FRMD4A: variants seen among roughly 807,000 people sequenced by gnomAD.
FRMD4A encodes FERM domain containing 4A.
Under a neutral mutation model 129.1 loss-of-function variants are expected in FRMD4A, and 29 were observed. The observed-to-expected ratio is 0.22, with a 90% CI of 0.17 to 0.31. The LOEUF is 0.31. FRMD4A is among the 10% of genes least tolerant of loss of function. The pLI is 1.00. For synonymous variants in FRMD4A, 634 were observed against 571.6 expected, an observed-to-expected ratio of 1.11 and a Z score of -1.56; for missense variants, 1,272 against 1,375.8, an observed-to-expected ratio of 0.92 and a Z score of 1.19.
chr10:13,657,599 C>T (rs2082278859), intron 21 of FRMD4A, 77 bp from the exon 22 acceptor site: 2 of 1,449,546 alleles, frequency 1.4e-6, no homozygotes, highest in Non-Finnish European at 1.8e-6. Flanking sequence ...GGAGGGGGTC[C>T]TGAGGAGGGC....
At chr10:14,144,939 G>T (rs1840004518) in intron 2 of FRMD4A, among the ~76,000 whole-genome samples, 2 of 152,140 alleles carry the variant, frequency 1.3e-5, no homozygotes, top group Admixed American at 6.5e-5. Context: ...TCAGCTGAGA[G>T]GTCCTTAGAA....
chr10:14,273,497 G>A (rs1845234933), intron 2 of FRMD4A, among the ~76,000 whole-genome samples: 1 of 152,082 alleles, frequency 6.6e-6, no homozygotes, highest in South Asian at 2.1e-4. Flanking sequence ...TAATGGGTCA[G>A]CTCATGTAAG....
Position 13,700,442 on chromosome 10 carries a change from G to A in FRMD4A, c.975+898C>T, listed in dbSNP as rs903038992. On this transcript the variant is annotated intron_variant, in intron 14 of 24. Coordinates refer to ENST00000357447, the MANE Select transcript of FRMD4A (RefSeq NM_018027.5). The stretch of plus-strand genomic sequence containing the variant: ...GCCACCTTCTCCCAAGAACTCACGC[G>A]ATGGAGGGAAATCCTCCGTAAGTGC... Among the ~76,000 whole-genome samples, 10 of 152,188 alleles carry A rather than the reference G, an allele frequency of 6.6e-5. No homozygotes were observed. In the South Asian group the frequency reaches 1.9e-3, roughly 28 times the overall value.
chr10:14,143,769 C>T (rs905874335), intron 2 of FRMD4A, among the ~76,000 whole-genome samples: 5 of 152,090 alleles, frequency 3.3e-5, no homozygotes, highest in African/African-American at 1.2e-4. Flanking sequence ...TACCCACCAT[C>T]ATGCCTGGCT....
rs141301905 is a variant in FRMD4A at position 13,729,018 on chromosome 10, C to T, written c.759+8826G>A. On this transcript the variant is annotated intron_variant, in intron 12 of 24. Transcript: ENST00000357447. ...TTTCTTAGAATATGATTCCTTTTGT[C>T]CTTGGAGAGTTATTTTTAAGTAGCA... Among the ~76,000 whole-genome samples the T allele has an allele frequency of 2.0e-4, 30 of 150,500 alleles. No individual in the cohort carries two copies. In the East Asian group the frequency reaches 5.3e-3, roughly 27 times the overall value.
intron 3 of FRMD4A, among the ~76,000 whole-genome samples, chr10:13,858,454 AAAAC>A (rs1483753739): frequency 6.6e-6 from 1 of 152,200 alleles, no homozygotes; most frequent in Non-Finnish European, 1.5e-5. Flanking sequence ...ACAAAACAAA[AAAAC>A]AAACAAAAAG....
At chr10:13,732,627 G>C (rs985717648) in intron 12 of FRMD4A, among the ~76,000 whole-genome samples, 2 of 152,252 alleles carry the variant, frequency 1.3e-5, no homozygotes, top group Non-Finnish European at 2.9e-5. Context: ...AGATGCAGCT[G>C]TTACTGCAGA....
At chr10:14,183,937 G>A (rs1841990244) in intron 2 of FRMD4A, among the ~76,000 whole-genome samples, 1 of 151,988 alleles carries the variant, frequency 6.6e-6, no homozygotes, top group South Asian at 2.1e-4. Context: ...GTAATCATAA[G>A]AACAAAGAGA....
chr10:13,729,101 C>T (rs1323419115), intron 12 of FRMD4A, among the ~76,000 whole-genome samples: 3 of 49,366 alleles, frequency 6.1e-5, no homozygotes, highest in Non-Finnish European at 1.1e-4. Context: ...CCCCCGCCCG[C>T]CCCCGCGGCC....
chr10:13,886,703 C>A (rs1260806356), intron 2 of FRMD4A, among the ~76,000 whole-genome samples: 2 of 152,134 alleles, frequency 1.3e-5, no homozygotes, highest in African/African-American at 2.4e-5. Context: ...ATTTTAGCCT[C>A]CTGGAGCAGC....
intron 2 of FRMD4A, among the ~76,000 whole-genome samples, chr10:13,883,446 T>C (rs1199617034): frequency 6.6e-6 from 1 of 152,012 alleles, no homozygotes; most frequent in East Asian, 1.9e-4. Flanking sequence ...GAGTTGACAT[T>C]GCACCACTGC....
At chr10:14,055,461 AAACACACACACAC>A (rs1834476201) in intron 2 of FRMD4A, among the ~76,000 whole-genome samples, 4,807 of 22,932 alleles carry the variant, frequency 0.21, 228 homozygotes, top group African/African-American at 0.36. Context: ...ACACACACAC[AAACACACACACAC>A]ACACACACAC....
rs1345712276 is a variant in FRMD4A at position 13,739,544 on chromosome 10, A to C, written c.672+650T>G. On this transcript the variant is annotated intron_variant, in intron 11 of 24. Transcript: ENST00000357447. ...TGCCAAACACCTCTACTCCTTTGGC[A>C]CTTTGAAAATCACAAGCCCTGCTTT... Among the ~76,000 whole-genome samples the C allele has an allele frequency of 3.9e-5, 6 of 152,324 alleles. No individual in the cohort carries two copies. The East Asian group carries it at 7.7e-4, about 20-fold the overall frequency.
chr10:14,031,732 T>A (rs948000785), intron 2 of FRMD4A, among the ~76,000 whole-genome samples: 1 of 152,058 alleles, frequency 6.6e-6, no homozygotes, highest in African/African-American at 2.4e-5. Context: ...TGACGACTAC[T>A]ACCATTGCAT....
At position 14,299,047 on chromosome 10, in the gene FRMD4A, C is replaced by G. The variant is rs75142189; in HGVS notation, c.45+31011G>C. 8.9e-3 allele frequency among the ~76,000 whole-genome samples: 1,358 copies of G among 152,272 alleles called. 22 individuals are homozygous for G. The highest frequency in any genetic ancestry group is 0.031 in the African/African-American group (1,302 of 41,542). ...GGGACGGAGCCATTTCTTTGGACAC[C>G]AGACATTCAGCGATCAAACTGGGAC... On this transcript the variant is annotated intron_variant, in intron 2 of 24. Transcript: ENST00000357447.
intron 16 of FRMD4A, 82 bp from the exon 17 acceptor site, chr10:13,670,610 T>C (rs1421777060): frequency 6.3e-6 from 9 of 1,427,094 alleles, no homozygotes; most frequent in East Asian, 2.4e-5. Flanking sequence ...CACACGCACA[T>C]ACACGCACAC....
At chr10:14,277,978 G>T (rs549482238) in intron 2 of FRMD4A, among the ~76,000 whole-genome samples, 2 of 152,198 alleles carry the variant, frequency 1.3e-5, no homozygotes, top group African/African-American at 4.8e-5. Flanking sequence ...TTGAATGGTT[G>T]AATGGTGCTC....
At chr10:13,797,134 G>GTC (rs1158610994) in intron 4 of FRMD4A, among the ~76,000 whole-genome samples, 3 of 152,212 alleles carry the variant, frequency 2.0e-5, no homozygotes, top group African/African-American at 7.2e-5. Context: ...GAACTGGAAA[G>GTC]TGAAGGGATT....
At chr10:13,713,007 T>C (rs1206665483) in intron 12 of FRMD4A, among the ~76,000 whole-genome samples, 1 of 151,982 alleles carries the variant, frequency 6.6e-6, no homozygotes, top group African/African-American at 2.4e-5. Context: ...GCATGTGGAG[T>C]GGTGGGCAAG....
Sources: gnomAD v4.1 joint callset for allele counts (sites outside exome capture counted in the v4.1 genomes callset) on GRCh38, gnomAD v4.1.1 for gene constraint, MANE v1.5 for transcripts, NCBI Gene and HGNC (gene_info 2026-07-23, HGNC 2026-07-21) for gene names.